Variants in PRKACA observed in about 807,000 individuals in gnomAD.
PRKACA encodes protein kinase cAMP-activated catalytic subunit alpha.
Under a neutral mutation model 45.8 loss-of-function variants are expected in PRKACA, and 9 were observed. The observed-to-expected ratio is 0.20, with a 90% CI of 0.12 to 0.34. The LOEUF is 0.34. Among genes scored for constraint, PRKACA ranks in the 10% least tolerant of loss-of-function variants. PRKACA has a pLI of 1.00. For synonymous variants in PRKACA, 160 were observed against 178.6 expected, an observed-to-expected ratio of 0.90 and a Z score of 0.83; for missense variants, 238 against 458.6, an observed-to-expected ratio of 0.52 and a Z score of 4.39.
chr19:14,099,351 A>G (rs1977372280), intron 5 of PRKACA, among the ~76,000 whole-genome samples: 1 of 152,172 alleles, frequency 6.6e-6, no homozygotes, highest in Admixed American at 6.5e-5. Flanking sequence ...AGACAAATTT[A>G]TAAGTTAAAA....
chr19:14,115,062 TCAAAG>T, intron 1 of PRKACA: 6 of 985,142 alleles, frequency 6.1e-6, no homozygotes, highest in Non-Finnish European at 7.2e-6. Flanking sequence ...TCAGAGCGCC[TCAAAG>T]CAAAGAGGGA....
rs1307479201 is a variant in PRKACA at position 14,091,965 on chromosome 19, G to C, written c.*1147C>G. On this transcript the variant is annotated 3_prime_UTR_variant, in exon 10 of 10. Coordinates refer to ENST00000308677, the MANE Select transcript of PRKACA (RefSeq NM_002730.4). ...GAAAGTGGGGGAGAGGTGATGGACA[G>C]CTGACAGCTAAGCTGGAGGAGGGGC... 6.6e-6 allele frequency: 1 copy of C among 152,258 alleles called. No individual in the cohort carries two copies. The highest frequency in any genetic ancestry group is 1.5e-5 in the Non-Finnish European group (1 of 68,076). The allele number at this position is 152,258 out of a possible 1,614,324, so 9.4% of individuals were successfully genotyped here. A position where few individuals can be genotyped will look rare whatever the true frequency, so the allele number is the denominator to read the frequency against.
chr19:14,111,049 G>C (rs536423872), intron 1 of PRKACA, among the ~76,000 whole-genome samples: 3 of 152,202 alleles, frequency 2.0e-5, no homozygotes, highest in Non-Finnish European at 4.4e-5. Context: ...CCCACTACCT[G>C]TCTCCAGAGC....
At chr19:14,103,720 G>A (rs996617876) in intron 3 of PRKACA, among the ~76,000 whole-genome samples, 1 of 152,232 alleles carries the variant, frequency 6.6e-6, no homozygotes, top group Non-Finnish European at 1.5e-5. Flanking sequence ...AATATGGCTG[G>A]TCGGATGGGG....
At chr19:14,096,738 G>T (rs1977270806) in intron 8 of PRKACA, 1 of 170,754 alleles carries the variant, frequency 5.9e-6, no homozygotes. Flanking sequence ...TGTGATCTTG[G>T]CCAAGACACA....
At chr19:14,104,065 C>T (rs1338746056) in intron 3 of PRKACA, among the ~76,000 whole-genome samples, 4 of 148,460 alleles carry the variant, frequency 2.7e-5, no homozygotes, top group Non-Finnish European at 4.5e-5. Flanking sequence ...AGGCCGGGTA[C>T]GGTGGCTCAC....
In PRKACA at chr19:14,092,430, CA is replaced by C. The variant is rs1171642678; in HGVS notation, c.*681del. 2 of 389,938 alleles carry C rather than the reference CA, an allele frequency of 5.1e-6. No homozygotes were observed. The highest frequency in any genetic ancestry group is 9.0e-6 in the Non-Finnish European group (2 of 221,154). The allele number at this position is 389,938 out of a possible 1,614,324, so 24.2% of individuals were successfully genotyped here. On this transcript the variant is annotated 3_prime_UTR_variant, in exon 10 of 10. Coordinates refer to ENST00000308677, the MANE Select transcript of PRKACA (RefSeq NM_002730.4). Reference sequence around the variant, plus strand: ...AGGGGAGATTAGCAGCGGGGAGGTTCAAACCCCAGCGCCTCCCTTTCCAAAG... The same window carrying C: ...AGGGGAGATTAGCAGCGGGGAGGTTCAACCCCAGCGCCTCCCTTTCCAAAG...
Position 14,107,481 on chromosome 19 carries a change from GA to G in PRKACA, c.47-73del, listed in dbSNP as rs968018767. On this transcript the variant is annotated intron_variant, in intron 1 of 9. Coordinates refer to ENST00000308677, the MANE Select transcript of PRKACA (RefSeq NM_002730.4). ...GGGGTGGGTTCAGGTGATTTCTGGG[GA>G]GATACTTGGTGGAAAGTGGGGTGCA... 3.7e-5 allele frequency: 56 copies of G among 1,529,584 alleles called. No individual in the cohort carries two copies. In the Admixed American group the frequency reaches 9.7e-4, roughly 26 times the overall value. The allele number at this position is 1,529,584 out of a possible 1,614,324, so 94.8% of individuals were successfully genotyped here.
rs181402386 is a variant in PRKACA, at chr19:14,109,704, G to A, written c.47-2295C>T. ...TATAATCCCAGCACTTTGGGAGGCC[G>A]AGGCAGGCAGATCACTTGAGGTCAG... On this transcript the variant is annotated intron_variant, in intron 1 of 9. Transcript: ENST00000308677. Among the ~76,000 whole-genome samples the A allele has an allele frequency of 8.3e-3, 1,250 of 150,574 alleles. 19 individuals are homozygous for A. The highest frequency in any genetic ancestry group is 0.028 in the African/African-American group (1,144 of 41,010).
At chr19:14,103,838 G>A (rs1024535359) in intron 3 of PRKACA, among the ~76,000 whole-genome samples, 1 of 152,188 alleles carries the variant, frequency 6.6e-6, no homozygotes, top group Non-Finnish European at 1.5e-5. Flanking sequence ...GGCCCAGGCA[G>A]GTAAATCGCT....
At chr19:14,106,930 C>T (rs772258483) in intron 2 of PRKACA, 42 bp from the exon 3 acceptor site, 8 of 1,609,930 alleles carry the variant, frequency 5.0e-6, no homozygotes, top group African/African-American at 1.3e-5. Context: ...ACGCCCTCCC[C>T]GCGGCCTGCT....
chr19:14,097,609 C>T lies in PRKACA; in HGVS notation c.612G>A (p.Glu204=), dbSNP rs1977298649. ...GRTWTLCGTP[E]YLAPEIILSK... is the part of the protein sequence containing the mutation. ...TCAGGATAATCTCAGGGGCCAGGTA[C>T]TCAGGGGTGCCGCACAAGGTCCAAG... Residue 204 remains glutamate, a synonymous_variant, in exon 7 of 10, where the codon GAG becomes GAA. Coordinates refer to ENST00000308677, the MANE Select transcript of PRKACA (RefSeq NM_002730.4). This position sits in a 1 kb window ranked among gnomAD's most constrained non-coding sequence, Gnocchi z 5.4. The T allele has an allele frequency of 6.2e-7, 1 of 1,612,990 alleles. No homozygotes were observed. The highest frequency in any genetic ancestry group is 1.7e-5 in the Admixed American group (1 of 59,904).
At chr19:14,104,695 CAA>C (rs1187253406) in intron 3 of PRKACA, among the ~76,000 whole-genome samples, 22 of 53,212 alleles carry the variant, frequency 4.1e-4, no homozygotes, top group Middle Eastern at 0.016. Flanking sequence ...GACTCCATCT[CAA>C]AAAAAAAAAA....
intron 8 of PRKACA, among the ~76,000 whole-genome samples, chr19:14,094,738 G>A (rs1322989393): frequency 6.6e-6 from 1 of 152,170 alleles, no homozygotes; most frequent in Non-Finnish European, 1.5e-5. Context: ...CATCTCTGCT[G>A]GGGTCTGGAG....
intron 5 of PRKACA, among the ~76,000 whole-genome samples, chr19:14,099,929 C>T (rs1054207969): frequency 1.3e-5 from 2 of 151,928 alleles, no homozygotes; most frequent in African/African-American, 2.4e-5. Flanking sequence ...CTGCAAACTC[C>T]GCCTCCCGGG....
intron 4 of PRKACA, 116 bp downstream of exon 4, chr19:14,102,700 G>T: frequency 1.1e-6 from 1 of 879,496 alleles, no homozygotes; most frequent in Non-Finnish European, 1.9e-6. Context: ...CAGGGATCTT[G>T]TTCTTCCACA....
Position 14,093,053 on chromosome 19 carries a change from C to T in PRKACA, c.*59G>A. 4 of 1,253,296 alleles carry T rather than the reference C, an allele frequency of 3.2e-6. No homozygotes were observed. Among genetic ancestry groups the T allele is most frequent in the Admixed American group, 3.1e-5 (1 of 32,212 alleles). 77.6% of individuals were successfully genotyped at this position (1,253,296 alleles called of 1,614,324 possible). A position where few individuals can be genotyped will look rare whatever the true frequency, so the allele number is the denominator to read the frequency against. On this transcript the variant is annotated 3_prime_UTR_variant, in exon 10 of 10. Transcript: ENST00000308677. ...GGCTGTTCAATCCAACCCTCCCACCCCCCCGACCAAAAAAAAGAAAAAAGA... is the reference window on the plus strand; with the variant it reads ...GGCTGTTCAATCCAACCCTCCCACCTCCCCGACCAAAAAAAAGAAAAAAGA...
At position 14,093,184 on chromosome 19, in the gene PRKACA, A is replaced by G; in HGVS notation, c.984T>C (p.Phe328=). 1 of 1,614,114 alleles carries G rather than the reference A, an allele frequency of 6.2e-7. No homozygotes were observed. The highest frequency in any genetic ancestry group is 8.5e-7 in the Non-Finnish European group (1 of 1,179,984). ...GGATTTCTTCTTCCTCATAGTCGTC[A>G]AAGTTACTCGTATCCCCAGGGCCTT... is the stretch of plus-strand genomic sequence containing the variant. The part of the protein sequence containing the change: ...KFKGPGDTSN[F]DDYEEEEIRV... Residue 328 remains phenylalanine (F), a synonymous_variant, in exon 10 of 10, where the codon TTT becomes TTC. Coordinates refer to ENST00000308677, the MANE Select transcript of PRKACA (RefSeq NM_002730.4).
chr19:14,109,919 C>CA (rs571781561), intron 1 of PRKACA, among the ~76,000 whole-genome samples: 22 of 101,444 alleles, frequency 2.2e-4, no homozygotes, highest in African/African-American at 8.0e-4. Flanking sequence ...GCCTAGGCGA[C>CA]AGAGTGAGAC....
Sources: allele counts gnomAD v4.1 joint callset (sites outside exome capture counted in the v4.1 genomes callset), GRCh38; gene constraint gnomAD v4.1.1; non-coding constraint Gnocchi (gnomAD v3.1); transcripts MANE v1.5; gene names NCBI Gene and HGNC (gene_info 2026-07-23, HGNC 2026-07-21).